Variants in NID1 observed in about 807,000 individuals in gnomAD.
NID1 encodes the protein nidogen 1, also known as nidogen-1.
NID1 carries 76 observed loss-of-function variants against 130.6 expected under a neutral mutation model. The observed-to-expected ratio is 0.58, with a 90% CI of 0.48 to 0.70. The LOEUF (loss-of-function observed/expected upper bound fraction) is 0.70. Ranked by LOEUF, NID1 falls within the 30% of genes least tolerant of loss-of-function variation. The pLI is 0.00. For missense variants in NID1, 1,517 were observed against 1,664.8 expected (o/e 0.91, Z 1.54); for synonymous variants, 665 against 675.1 (o/e 0.98, Z 0.23).
intron 10 of NID1, among the ~76,000 whole-genome samples, chr1:236,014,227 C>T (rs1271379877): frequency 7.2e-6 from 1 of 139,632 alleles, no homozygotes; most frequent in Admixed American, 7.3e-5. Flanking sequence ...TCAACTCTCT[C>T]TCTCTCTTTC....
Position 236,025,951 on chromosome 1 carries a change from G to T in NID1, c.1929C>A (p.Asn643Lys). The T allele has an allele frequency of 6.2e-7, 1 of 1,614,032 alleles. No homozygotes were observed. Among genetic ancestry groups the T allele is most frequent in the Non-Finnish European group, 8.5e-7 (1 of 1,180,012 alleles). Residue 643 changes from asparagine to lysine, a missense_variant, in exon 8 of 20, where the codon AAC becomes AAA. Asn to Lys is a moderately conservative substitution (Grantham distance 94, BLOSUM62 0). Transcript: ENST00000264187. ...CATAGCGCAAGATCTTCTCCTCCTG[G>T]TTGTACAGGACGAACACGCTGTCCA... ...LSVDSVFVLY[N>K]QEEKILRYAL...
rs1307745525 is a variant in NID1, at chr1:235,977,718, C to T, written c.*149G>A. The T allele has an allele frequency of 2.6e-5, 21 of 807,160 alleles. No individual in the cohort carries two copies. Among genetic ancestry groups the T allele is most frequent in the Non-Finnish European group, 1.2e-5 (6 of 506,056 alleles). The allele number at this position is 807,160 out of a possible 1,614,324, so 50.0% of individuals were successfully genotyped here. Reference sequence around the variant, plus strand: ...AGTCCAGGGTGCATGTTTTGGGGAACAGTGAGGGAAAAGTTGTTGGGGCTC... The same window carrying T: ...AGTCCAGGGTGCATGTTTTGGGGAATAGTGAGGGAAAAGTTGTTGGGGCTC... On this transcript the variant is annotated 3_prime_UTR_variant, in exon 20 of 20. Transcript: ENST00000264187.
At chr1:236,012,246 G>A (rs1262809213) in intron 11 of NID1, among the ~76,000 whole-genome samples, 1 of 152,098 alleles carries the variant, frequency 6.6e-6, no homozygotes, top group Non-Finnish European at 1.5e-5. Flanking sequence ...TTTCACTTTG[G>A]CAGCAATGTT....
chr1:236,017,188 A>G lies in NID1; in HGVS notation c.2214T>C (p.Cys738=), dbSNP rs1558434312. The change falls in exon 10 of 20, where the codon TGT becomes TGC. Residue 738 remains cysteine (C), a synonymous_variant. Coordinates refer to ENST00000264187, the MANE Select transcript of NID1 (RefSeq NM_002508.3). ...NNHPGTFRCE[C]VEGYQFSDEG... The stretch of plus-strand genomic sequence containing the variant: ...CATCTGAAAACTGGTAGCCCTCCAC[A>G]CACTCGCAGCGGAAGGTTCCTGGGT... 10 of 1,614,124 alleles carry G rather than the reference A, an allele frequency of 6.2e-6. No individual in the cohort carries two copies. Among genetic ancestry groups the G allele is most frequent in the Non-Finnish European group, 8.5e-6 (10 of 1,180,014 alleles).
At chr1:236,047,320 C>A (rs1257830152) in intron 2 of NID1, among the ~76,000 whole-genome samples, 1 of 152,096 alleles carries the variant, frequency 6.6e-6, no homozygotes, top group African/African-American at 2.4e-5. Flanking sequence ...GCCTGAAATA[C>A]CTCCCATTTA....
intron 12 of NID1, among the ~76,000 whole-genome samples, chr1:236,009,292 T>C (rs1178190211): frequency 6.6e-6 from 1 of 152,198 alleles, no homozygotes; most frequent in African/African-American, 2.4e-5. Flanking sequence ...TGGCCGTCTG[T>C]GAACTAGGAA....
chr1:236,018,478 C>T (rs550692041), intron 9 of NID1, among the ~76,000 whole-genome samples: 119 of 152,338 alleles, frequency 7.8e-4, no homozygotes, highest in African/African-American at 2.8e-3. Flanking sequence ...CTCAGATGGC[C>T]GCCAGGCTTT....
intron 5 of NID1, among the ~76,000 whole-genome samples, chr1:236,037,662 A>G (rs1404491333): frequency 7.0e-6 from 1 of 142,304 alleles, no homozygotes. Context: ...TGTCTCAAGA[A>G]AAAAAAAAAC....
intron 1 of NID1, among the ~76,000 whole-genome samples, chr1:236,060,380 G>GT (rs1379400481): frequency 6.6e-6 from 1 of 152,100 alleles, no homozygotes; most frequent in East Asian, 1.9e-4. Context: ...ACTGCAACCT[G>GT]TTTTATCAGG....
chr1:236,036,250 C>A (rs879524807), intron 5 of NID1, among the ~76,000 whole-genome samples: 1 of 152,122 alleles, frequency 6.6e-6, no homozygotes, highest in East Asian at 1.9e-4. Context: ...AAAAGAAAAT[C>A]AAAAACAGTT....
chr1:236,062,294 A>T (rs1660059330), intron 1 of NID1, among the ~76,000 whole-genome samples: 1 of 152,198 alleles, frequency 6.6e-6, no homozygotes, highest in Non-Finnish European at 1.5e-5. Context: ...TATTTGTTGA[A>T]GAGAATGATA....
intron 1 of NID1, among the ~76,000 whole-genome samples, chr1:236,054,675 T>C (rs2102849922): frequency 6.6e-6 from 1 of 152,062 alleles, no homozygotes; most frequent in African/African-American, 2.4e-5. Flanking sequence ...AGAGTCTCGC[T>C]CTGTCACCCA....
chr1:236,064,602 T>C (rs1213462535), intron 1 of NID1: 3 of 484,486 alleles, frequency 6.2e-6, no homozygotes, highest in Admixed American at 3.4e-5. Flanking sequence ...GCGGGGTCCA[T>C]GGGTGCCGGG....
At position 235,979,664 on chromosome 1, in the gene NID1, G is replaced by C. The variant is rs540677043; in HGVS notation, c.3509+158C>G. On this transcript the variant is annotated intron_variant, in intron 18 of 19. Transcript: ENST00000264187. This position sits in a 1 kb window ranked among gnomAD's most constrained non-coding sequence, Gnocchi z 4.6. ...TCTTCATGCTCCTCTCTTGGCTCCT[G>C]ACAACCAGAAGGATAAGGGAGAGGG... Among the ~76,000 whole-genome samples, 11 of 152,286 alleles carry C rather than the reference G, an allele frequency of 7.2e-5. No individual in the cohort carries two copies. The highest frequency in any genetic ancestry group is 6.2e-4 in the South Asian group (3 of 4,820).
At chr1:235,990,631 CAG>C (rs1308866402) in intron 14 of NID1, among the ~76,000 whole-genome samples, 1 of 152,194 alleles carries the variant, frequency 6.6e-6, no homozygotes, top group African/African-American at 2.4e-5. Context: ...GTTGCTACGT[CAG>C]AGCAGATATG....
At position 235,976,793 on chromosome 1, in the gene NID1, C is replaced by T. The variant is rs889228438; in HGVS notation, c.*1074G>A. On this transcript the variant is annotated 3_prime_UTR_variant, in exon 20 of 20. Coordinates refer to ENST00000264187, the MANE Select transcript of NID1 (RefSeq NM_002508.3). ...TTGTGTTGTTAGATAAGAATACATC[C>T]AAAAAGGGCCACAGATCGAGGGAGA... The T allele has an allele frequency of 3.2e-4, 49 of 151,994 alleles. No homozygotes were observed. The highest frequency in any genetic ancestry group is 1.2e-3 in the African/African-American group (48 of 41,370). The allele number at this position is 151,994 out of a possible 1,614,324, so 9.4% of individuals were successfully genotyped here.
chr1:236,060,117 A>AG (rs1005094547), intron 1 of NID1, among the ~76,000 whole-genome samples: 17 of 151,816 alleles, frequency 1.1e-4, no homozygotes, highest in African/African-American at 4.1e-4. Context: ...AAAAAAAAAA[A>AG]AAGAATTGTT....
At position 235,979,371 on chromosome 1, in the gene NID1, T is replaced by C. The variant is rs567055833; in HGVS notation, c.3510-264A>G. Reference sequence around the variant, plus strand: ...AATGAGCTTTCTAGACAGATGCCCCTGGCCAGTTGTCTTCTCAGTTTAATC... The same window carrying C: ...AATGAGCTTTCTAGACAGATGCCCCCGGCCAGTTGTCTTCTCAGTTTAATC... On this transcript the variant is annotated intron_variant, in intron 18 of 19. Transcript: ENST00000264187. The surrounding 1 kb of genome is among the most constrained non-coding windows in gnomAD (Gnocchi z 4.6). Among the ~76,000 whole-genome samples the C allele has an allele frequency of 1.3e-5, 2 of 152,316 alleles. No homozygotes were observed. Among genetic ancestry groups the C allele is most frequent in the African/African-American group, 4.8e-5 (2 of 41,562 alleles).
At chr1:236,038,727 CAT>C (rs1659338649) in intron 4 of NID1, among the ~76,000 whole-genome samples, 1 of 121,492 alleles carries the variant, frequency 8.2e-6, no homozygotes, top group Non-Finnish European at 1.6e-5. Flanking sequence ...TTATATAGGT[CAT>C]ATATAATATA....
Sources: gnomAD v4.1 joint callset for allele counts (sites outside exome capture counted in the v4.1 genomes callset) on GRCh38, gnomAD v4.1.1 for gene constraint, Gnocchi (gnomAD v3.1) non-coding constraint, MANE v1.5 for transcripts, NCBI Gene and HGNC (gene_info 2026-07-23, HGNC 2026-07-21) for gene names.